The following FBXL7 variants were observed in gnomAD, a reference collection of about 807,000 sequenced individuals.
The protein encoded by FBXL7 is F-box and leucine rich repeat protein 7.
Under a neutral mutation model 38.3 loss-of-function variants are expected in FBXL7, and 12 were observed. That is an observed-to-expected ratio of 0.31 (90% CI 0.20 to 0.51). The LOEUF (loss-of-function observed/expected upper bound fraction) is 0.51. Ranked by LOEUF, FBXL7 falls within the 20% of genes least tolerant of loss-of-function variation. The pLI is 0.98. For synonymous variants in FBXL7, 297 were observed against 300.9 expected (o/e 0.99, Z 0.13); for missense variants, 567 against 676.4 (o/e 0.84, Z 1.79).
At chr5:15,738,333 T>G (rs925615014) in intron 2 of FBXL7, among the ~76,000 whole-genome samples, 1 of 152,186 alleles carries the variant, frequency 6.6e-6, no homozygotes, top group Admixed American at 6.6e-5. Flanking sequence ...ATCCAAATAT[T>G]TGTAACTATT....
chr5:15,704,143 G>A (rs533012582), intron 2 of FBXL7, among the ~76,000 whole-genome samples: 1 of 152,202 alleles, frequency 6.6e-6, no homozygotes, highest in Admixed American at 6.5e-5. Flanking sequence ...GGTGGAGGAA[G>A]TTGAGAAAGA....
At chr5:15,812,534 C>A (rs574259466) in intron 2 of FBXL7, among the ~76,000 whole-genome samples, 1 of 152,086 alleles carries the variant, frequency 6.6e-6, no homozygotes, top group East Asian at 1.9e-4. Flanking sequence ...ATTACTGTAG[C>A]CTTGTAGTAT....
chr5:15,729,796 A>G (rs983310253), intron 2 of FBXL7, among the ~76,000 whole-genome samples: 1 of 152,188 alleles, frequency 6.6e-6, no homozygotes, highest in African/African-American at 2.4e-5. Context: ...GCAGCATCAT[A>G]TGTGATTTAA....
intron 2 of FBXL7, among the ~76,000 whole-genome samples, chr5:15,882,616 A>G (rs1275875898): frequency 6.6e-6 from 1 of 152,226 alleles, no homozygotes; most frequent in African/African-American, 2.4e-5. Context: ...CAGAAACAGA[A>G]ATACATCTGT....
At chr5:15,520,659 G>T (rs1417264069) in intron 1 of FBXL7, among the ~76,000 whole-genome samples, 1 of 152,146 alleles carries the variant, frequency 6.6e-6, no homozygotes, top group Non-Finnish European at 1.5e-5. Flanking sequence ...TAGTGATCAA[G>T]TTTCCTAACG....
chr5:15,709,837 T>C (rs1743808746), intron 2 of FBXL7, among the ~76,000 whole-genome samples: 1 of 152,194 alleles, frequency 6.6e-6, no homozygotes, highest in Non-Finnish European at 1.5e-5. Flanking sequence ...GCATCTTCTT[T>C]CTGTGTCTTC....
intron 2 of FBXL7, among the ~76,000 whole-genome samples, chr5:15,655,829 A>C (rs916003761): frequency 3.3e-5 from 5 of 152,192 alleles, no homozygotes; most frequent in African/African-American, 9.6e-5. Flanking sequence ...TGACTCACAA[A>C]GCCTCAACTC....
At chr5:15,793,519 A>T (rs1307686034) in intron 2 of FBXL7, among the ~76,000 whole-genome samples, 1 of 152,156 alleles carries the variant, frequency 6.6e-6, no homozygotes, top group Non-Finnish European at 1.5e-5. Context: ...CATCATTTTA[A>T]TTATATCTGC....
At chr5:15,917,485 G>A (rs1189037030) in intron 2 of FBXL7, among the ~76,000 whole-genome samples, 1 of 152,134 alleles carries the variant, frequency 6.6e-6, no homozygotes, top group East Asian at 1.9e-4. Flanking sequence ...GCATGTGCCT[G>A]TAGTTCCATC....
chr5:15,937,196 G>A lies in FBXL7; in HGVS notation c.*10G>A. 1 of 1,571,058 alleles carries A rather than the reference G, an allele frequency of 6.4e-7. No individual in the cohort carries two copies. The highest frequency in any genetic ancestry group is 1.8e-5 in the Admixed American group (1 of 56,414). On this transcript the variant is annotated 3_prime_UTR_variant, in exon 4 of 4. Transcript: ENST00000504595. ...CCCGGCTTTCTTCTGAAGGGACAGA[G>A]TTCATCCGGCGTTGTATTCACACAA...
chr5:15,786,079 T>C (rs1195231278), intron 2 of FBXL7, among the ~76,000 whole-genome samples: 3 of 152,226 alleles, frequency 2.0e-5, no homozygotes, highest in African/African-American at 7.2e-5. Flanking sequence ...CTTCTGCTGG[T>C]GACCTAATTT....
chr5:15,920,270 T>A (rs12187437), intron 2 of FBXL7, among the ~76,000 whole-genome samples: 52,695 of 150,114 alleles, frequency 0.35, 9,463 homozygotes, highest in Admixed American at 0.52. Flanking sequence ...AAAAAAAAAA[T>A]TGCTTTATAA....
intron 1 of FBXL7, among the ~76,000 whole-genome samples, chr5:15,525,704 G>C (rs1029767912): frequency 1.2e-4 from 18 of 152,102 alleles, no homozygotes; most frequent in Admixed American, 1.0e-3. Flanking sequence ...TTGTATGAGA[G>C]AAGGCGATAT....
In FBXL7 at chr5:15,865,656, C is replaced by T. The variant is rs185566027; in HGVS notation, c.128-62234C>T. Among the ~76,000 whole-genome samples the T allele has an allele frequency of 2.4e-4, 37 of 152,178 alleles. No homozygotes were observed. In the East Asian group the frequency reaches 2.9e-3, roughly 12 times the overall value. On this transcript the variant is annotated intron_variant, in intron 2 of 3. Transcript: ENST00000504595. Reference sequence around the variant, plus strand: ...TCTTGGTCTCTGGGTCTCTCTCTCTCTCCCCACCCCCACTTCTATTTCTGT... The same window carrying T: ...TCTTGGTCTCTGGGTCTCTCTCTCTTTCCCCACCCCCACTTCTATTTCTGT...
chr5:15,797,568 T>A (rs1460903010), intron 2 of FBXL7, among the ~76,000 whole-genome samples: 1 of 152,178 alleles, frequency 6.6e-6, no homozygotes, highest in Non-Finnish European at 1.5e-5. Context: ...TTGGGCCCCC[T>A]GGCCAAATGT....
chr5:15,573,778 A>C (rs947018530), intron 1 of FBXL7, among the ~76,000 whole-genome samples: 2 of 152,180 alleles, frequency 1.3e-5, no homozygotes, highest in African/African-American at 4.8e-5. Context: ...GCAGAGCATG[A>C]ATGTGAGGTC....
At chr5:15,596,978 T>A (rs1025327) in intron 1 of FBXL7, among the ~76,000 whole-genome samples, 1 of 151,978 alleles carries the variant, frequency 6.6e-6, no homozygotes. Context: ...ATTATCCTAG[T>A]AAATTAATCA....
At chr5:15,516,114 G>T (rs925268345) in intron 1 of FBXL7, among the ~76,000 whole-genome samples, 3 of 151,810 alleles carry the variant, frequency 2.0e-5, no homozygotes, top group African/African-American at 7.3e-5. Context: ...TTGATACACC[G>T]AGTACTTTGT....
In FBXL7 at chr5:15,818,863, A is replaced by G. The variant is rs186575233; in HGVS notation, c.128-109027A>G. Among the ~76,000 whole-genome samples, 62 of 152,236 alleles carry G rather than the reference A, an allele frequency of 4.1e-4. 1 individual carries two copies. In the East Asian group the frequency reaches 0.011, roughly 28 times the overall value. On this transcript the variant is annotated intron_variant, in intron 2 of 3. Coordinates refer to ENST00000504595, the MANE Select transcript of FBXL7 (RefSeq NM_012304.5). ...ATTAGCCATTTTCCTCACTGAATAC[A>G]TAATGATTTCCGAGATGAAGAGCAG...
Sources: gnomAD v4.1 joint callset for allele counts (sites outside exome capture counted in the v4.1 genomes callset) on GRCh38, gnomAD v4.1.1 for gene constraint, MANE v1.5 for transcripts, NCBI Gene and HGNC (gene_info 2026-07-23, HGNC 2026-07-21) for gene names.